The following PHF14 variants were observed in gnomAD, a reference collection of about 807,000 sequenced individuals.
The protein encoded by PHF14 is PHD finger protein 14.
In PHF14, 55 loss-of-function variants were observed where a neutral mutation model predicts 117.9. The ratio of observed to expected loss-of-function variants is 0.47; its 90% CI spans 0.38 to 0.58. PHF14 has a LOEUF of 0.58. Among genes scored for constraint, PHF14 ranks in the 20% least tolerant of loss-of-function variants. PHF14 has a pLI of 0.00. For synonymous variants in PHF14, 409 were observed against 368.6 expected (o/e 1.11, Z -1.26); for missense variants, 978 against 1,122.2 (o/e 0.87, Z 1.84).
intron 17 of PHF14, among the ~76,000 whole-genome samples, chr7:11,152,161 G>A (rs966092219): frequency 6.6e-6 from 1 of 152,060 alleles, no homozygotes; most frequent in African/African-American, 2.4e-5. Context: ...ATAATAATCT[G>A]GTCAGTATCC....
intron 16 of PHF14, among the ~76,000 whole-genome samples, chr7:11,083,384 T>G (rs2128336836): frequency 6.6e-6 from 1 of 152,128 alleles, no homozygotes; most frequent in East Asian, 1.9e-4. Flanking sequence ...CCGTCTCTCT[T>G]TCTCCCCGCA....
chr7:11,028,559 A>G (rs1229728660), intron 6 of PHF14, 122 bp from the exon 7 acceptor site: 3 of 841,886 alleles, frequency 3.6e-6, no homozygotes, highest in African/African-American at 1.7e-5. Flanking sequence ...TTGTATTGGT[A>G]CATAATTGGT....
intron 16 of PHF14, among the ~76,000 whole-genome samples, chr7:11,084,631 T>G (rs997910468): frequency 6.6e-6 from 1 of 152,156 alleles, no homozygotes; most frequent in Admixed American, 6.5e-5. Flanking sequence ...TATTGAAAAT[T>G]TATTTTTTCC....
chr7:11,089,050 A>G (rs888822394), intron 16 of PHF14, among the ~76,000 whole-genome samples: 2 of 152,054 alleles, frequency 1.3e-5, no homozygotes, highest in African/African-American at 2.4e-5. Context: ...ACATTTAAGT[A>G]GAGCCTCATT....
At chr7:11,060,310 G>A (rs965830077) in intron 14 of PHF14, among the ~76,000 whole-genome samples, 3 of 152,082 alleles carry the variant, frequency 2.0e-5, no homozygotes, top group Non-Finnish European at 4.4e-5. Context: ...AAGTTTAATT[G>A]GGTGTAGAAA....
chr7:11,007,124 C>T (rs369098196), intron 4 of PHF14, among the ~76,000 whole-genome samples: 9 of 151,820 alleles, frequency 5.9e-5, no homozygotes, highest in African/African-American at 1.4e-4. Context: ...ACCCAGGAGG[C>T]GGAGATTGCA....
intron 3 of PHF14, among the ~76,000 whole-genome samples, chr7:10,985,749 T>C (rs1583329871): frequency 7.0e-6 from 1 of 143,710 alleles, no homozygotes; most frequent in Non-Finnish European, 1.5e-5. Flanking sequence ...GCCTCATGGG[T>C]TCAAGCAATT....
intron 3 of PHF14, among the ~76,000 whole-genome samples, chr7:10,990,417 G>A (rs995409058): frequency 1.3e-5 from 2 of 152,178 alleles, no homozygotes; most frequent in East Asian, 3.9e-4. Flanking sequence ...CAGATCAACA[G>A]TAGTTAGTTG....
intron 13 of PHF14, among the ~76,000 whole-genome samples, chr7:11,044,704 C>T (rs903042628): frequency 6.6e-6 from 1 of 152,068 alleles, no homozygotes; most frequent in African/African-American, 2.4e-5. Flanking sequence ...AAACTTAACA[C>T]TTTCTAAATA....
chr7:11,072,479 T>A (rs1785647172), intron 16 of PHF14, among the ~76,000 whole-genome samples: 1 of 152,250 alleles, frequency 6.6e-6, no homozygotes, highest in Non-Finnish European at 1.5e-5. Flanking sequence ...TTGTGAACTC[T>A]GCTTTTATCT....
chr7:11,009,954 C>G (rs796423842), intron 4 of PHF14, among the ~76,000 whole-genome samples: 19 of 152,230 alleles, frequency 1.2e-4, no homozygotes, highest in African/African-American at 4.1e-4. Context: ...GTGGAATATT[C>G]TTTAAAAATA....
rs553493328 is a variant in PHF14, at chr7:11,084,194, A to T, written c.2654+22109A>T. 3.9e-5 allele frequency among the ~76,000 whole-genome samples: 6 copies of T among 152,332 alleles called. No individual in the cohort carries two copies. In the South Asian group the frequency reaches 1.2e-3, roughly 32 times the overall value. ...AAATAATTACAGAACTTAAACTTCAAAATATGTACACACACACAATCTGAA... is the reference window on the plus strand; with the variant it reads ...AAATAATTACAGAACTTAAACTTCATAATATGTACACACACACAATCTGAA... On this transcript the variant is annotated intron_variant, in intron 16 of 17. Transcript: ENST00000634607.
intron 13 of PHF14, among the ~76,000 whole-genome samples, chr7:11,044,553 G>A (rs1334774884): frequency 6.6e-6 from 1 of 152,114 alleles, no homozygotes; most frequent in Non-Finnish European, 1.5e-5. Context: ...AGTTAACTGG[G>A]TGTATTAATT....
chr7:11,048,870 A>G (rs1784760348), intron 13 of PHF14, among the ~76,000 whole-genome samples: 1 of 142,392 alleles, frequency 7.0e-6, no homozygotes, highest in Non-Finnish European at 1.5e-5. Flanking sequence ...TGGCAGTTAC[A>G]TTTGTTTTGA....
intron 16 of PHF14, among the ~76,000 whole-genome samples, chr7:11,080,565 A>G (rs1373494598): frequency 6.6e-6 from 1 of 152,166 alleles, no homozygotes; most frequent in African/African-American, 2.4e-5. Context: ...TTTTAAATAA[A>G]CATTAACTCT....
At chr7:11,077,484 C>G (rs561971186) in intron 16 of PHF14, among the ~76,000 whole-genome samples, 82 of 151,384 alleles carry the variant, frequency 5.4e-4, no homozygotes, top group Admixed American at 2.7e-3. Context: ...GCCTGTAGTC[C>G]CAGCTACTCA....
At chr7:11,103,462 A>G (rs2128341823) in intron 16 of PHF14, 1 of 982,894 alleles carries the variant, frequency 1.0e-6, no homozygotes, top group East Asian at 1.1e-4. Context: ...AGAGGTATAC[A>G]GAATTAAAAT....
chr7:11,133,380 A>G (rs1291843546), intron 17 of PHF14, among the ~76,000 whole-genome samples: 2 of 151,990 alleles, frequency 1.3e-5, no homozygotes, highest in Admixed American at 6.6e-5. Context: ...TAGAGAGCCC[A>G]GAGATAGACC....
chr7:11,023,080 T>C, intron 6 of PHF14, 101 bp downstream of exon 6: 2 of 565,128 alleles, frequency 3.5e-6, no homozygotes, highest in South Asian at 5.6e-5. Context: ...AAATGCTTAC[T>C]AGGAATCATT....
Sources: gnomAD v4.1 joint callset for allele counts (sites outside exome capture counted in the v4.1 genomes callset) on GRCh38, gnomAD v4.1.1 for gene constraint, MANE v1.5 for transcripts, NCBI Gene and HGNC (gene_info 2026-07-23, HGNC 2026-07-21) for gene names.